FOXL3: variants seen among roughly 807,000 people sequenced by gnomAD.
FOXL3 encodes forkhead box L3.
In FOXL3, 16 loss-of-function variants were observed where a neutral mutation model predicts 10.9. The observed-to-expected ratio is 1.46, with a 90% confidence interval of 0.99 to 2.22. FOXL3 has a LOEUF of 2.22. FOXL3 is among the 30% of genes most tolerant of loss of function. The pLI is 0.00. For synonymous variants in FOXL3, 170 were observed against 152.0 expected (o/e 1.12, Z -0.87); for missense variants, 400 against 337.9 (o/e 1.18, Z -1.44).
chr7:290,505 G>T (rs923361065), intron 1 of FOXL3, 148 bp from the exon 2 acceptor site: 9 of 875,116 alleles, frequency 1.0e-5, no homozygotes, highest in Non-Finnish European at 1.5e-5. Flanking sequence ...TCTGGGGTCT[G>T]GGTGGCGCCG....
rs539785378 is a variant in FOXL3 at position 291,261 on chromosome 7, G to T, written c.475G>T (p.Ala159Ser). Residue 159 changes from alanine to serine, a missense_variant, in exon 3 of 3, where the codon GCT becomes TCT. Transcript: ENST00000506382. ...GPSGPSEPPAAQGRLAPDSAG... is the reference protein window; with the variant it reads ...GPSGPSEPPASQGRLAPDSAG... ...GTCGGGTCCGTCCGAGCCGCCCGCC[G>T]CTCAGGGGCGCCTGGCCCCGGACAG... 83 of 1,188,336 alleles carry T rather than the reference G, an allele frequency of 7.0e-5. No homozygotes were observed. In the South Asian group the frequency reaches 1.2e-3, roughly 17 times the overall value. The allele number at this position is 1,188,336 out of a possible 1,614,324, so 73.6% of individuals were successfully genotyped here.
At chr7:290,385 C>A in intron 1 of FOXL3, 109 bp downstream of exon 1, 1 of 952,492 alleles carries the variant, frequency 1.0e-6, no homozygotes, top group Non-Finnish European at 1.6e-6. Flanking sequence ...GAGCTTTCTT[C>A]TCTCCGGCGG....
Position 290,202 on chromosome 7 carries a change from C to A in FOXL3, c.33C>A (p.Cys11Ter). MFDSSQYPYNCFNYDADDYPA... is the reference protein window; with the variant it reads MFDSSQYPYN ...ACAGCTCGCAGTATCCCTACAACTG[C>A]TTCAATTACGACGCCGACGACTACC... Residue 11 changes from cysteine (C) to a stop codon, truncating the protein, a stop_gained, in exon 1 of 3, where the codon TGC becomes TGA. Coordinates refer to ENST00000506382, the MANE Select transcript of FOXL3 (RefSeq NM_001374838.1). LOFTEE classifies it high-confidence loss of function. 6.5e-7 allele frequency: 1 copy of A among 1,535,966 alleles called. No homozygotes were observed. Among genetic ancestry groups the A allele is most frequent in the Non-Finnish European group, 8.7e-7 (1 of 1,146,782 alleles).
Position 290,735 on chromosome 7 carries a change from C to T in FOXL3, c.190C>T (p.Arg64Cys). The change falls in exon 2 of 3, where the codon CGC (arginine) becomes TGC (cysteine). Residue 64 changes from arginine to cysteine, a missense_variant. By Grantham distance (180) the Arg-to-Cys change is radical (BLOSUM62 -3). Transcript: ENST00000506382. Reference sequence around the variant, plus strand: ...GTCCGGCATCTACGACTTCATCATGCGCAAATTCCCCTATTACCGCGCCAA... The same window carrying T: ...GTCCGGCATCTACGACTTCATCATGTGCAAATTCCCCTATTACCGCGCCAA... Reference protein sequence around the residue: ...TLSGIYDFIMRKFPYYRANQR... With the variant: ...TLSGIYDFIMCKFPYYRANQR... The T allele has an allele frequency of 1.3e-6, 2 of 1,492,066 alleles. No homozygotes were observed. Among genetic ancestry groups the T allele is most frequent in the African/African-American group, 1.4e-5 (1 of 70,452 alleles). 92.4% of individuals were successfully genotyped at this position (1,492,066 alleles called of 1,614,324 possible).
chr7:290,473 C>A (rs1379027350), intron 1 of FOXL3, among the ~76,000 whole-genome samples, 180 bp from the exon 2 acceptor site: 1 of 150,744 alleles, frequency 6.6e-6, no homozygotes, highest in Non-Finnish European at 1.5e-5. Context: ...GGGGAGGGGC[C>A]TCCGCAGGTC....
intron 2 of FOXL3, 33 bp from the exon 3 acceptor site, chr7:291,030 A>G: frequency 2.2e-6 from 3 of 1,354,256 alleles, no homozygotes; most frequent in South Asian, 3.4e-5. Context: ...CGTGCAGCGG[A>G]GCCGCTCCCA....
Position 291,233 on chromosome 7 carries a change from G to A in FOXL3, c.447G>A (p.Gly149=), listed in dbSNP as rs1778641635. The change falls in exon 3 of 3, where the codon GGG becomes GGA. Residue 149 remains glycine (G), a synonymous_variant. Coordinates refer to ENST00000506382, the MANE Select transcript of FOXL3 (RefSeq NM_001374838.1). ...GTCCGCGCGCGGGGGGCGCCCAGGG[G>A]CCGTCGGGTCCGTCCGAGCCGCCCG... ...PRGPRAGGAQ[G]PSGPSEPPAA... is the part of the protein sequence containing the mutation. 3 of 1,162,914 alleles carry A rather than the reference G, an allele frequency of 2.6e-6. No individual in the cohort carries two copies. Among genetic ancestry groups the A allele is most frequent in the South Asian group, 8.4e-5 (2 of 23,824 alleles). 72.0% of individuals were successfully genotyped at this position (1,162,914 alleles called of 1,614,324 possible).
In FOXL3 at chr7:290,229, C is replaced by T; in HGVS notation, c.60C>T (p.Pro20=). The T allele has an allele frequency of 5.2e-6, 8 of 1,535,982 alleles. No homozygotes were observed. The highest frequency in any genetic ancestry group is 7.0e-6 in the Non-Finnish European group (8 of 1,146,794). ...NCFNYDADDY[P]AGSSDEDKRL... ...TCAATTACGACGCCGACGACTACCC[C>T]GCCGGCAGCTCCGACGAAGACAAGA... The change falls in exon 1 of 3, where the codon CCC becomes CCT. Residue 20 remains proline, a synonymous_variant. Transcript: ENST00000506382.
chr7:291,135 C>T lies in FOXL3; in HGVS notation c.349C>T (p.Leu117=), dbSNP rs1222585474. Residue 117 remains leucine (L), a synonymous_variant, in exon 3 of 3, where the codon CTG becomes TTG. Transcript: ENST00000506382. ...GTTCGCGGGCGGCTGCGAGTCGCTG[C>T]TGGACCTCTTCGAGAACGGCAACTA... ...WTFAGGCESL[L]DLFENGNYRR... 8 of 1,362,250 alleles carry T rather than the reference C, an allele frequency of 5.9e-6. No homozygotes were observed. The East Asian group carries it at 2.3e-4, about 39-fold the overall frequency. 84.4% of individuals were successfully genotyped at this position (1,362,250 alleles called of 1,614,324 possible). A position where few individuals can be genotyped will look rare whatever the true frequency, so the allele number is the denominator to read the frequency against.
At position 290,661 on chromosome 7, in the gene FOXL3, C is replaced by A. The variant is rs1327003688; in HGVS notation, c.116C>A (p.Ala39Asp). 2 of 1,420,656 alleles carry A rather than the reference C, an allele frequency of 1.4e-6. No individual in the cohort carries two copies. Among genetic ancestry groups the A allele is most frequent in the Non-Finnish European group, 9.2e-7 (1 of 1,091,530 alleles). The allele number at this position is 1,420,656 out of a possible 1,614,324, so 88.0% of individuals were successfully genotyped here. A position where few individuals can be genotyped will look rare whatever the true frequency, so the allele number is the denominator to read the frequency against. ...RLTRPAYSYIALIAMAIQQSP... is the reference protein window; with the variant it reads ...RLTRPAYSYIDLIAMAIQQSP... ...ACCCCCGGGCTCCGCAGCTACATCG[C>A]CTTGATCGCCATGGCCATTCAGCAG... Residue 39 changes from alanine to aspartate, a missense_variant, in exon 2 of 3, where the codon GCC becomes GAC. Coordinates refer to ENST00000506382, the MANE Select transcript of FOXL3 (RefSeq NM_001374838.1).
At chr7:290,857 G>A in intron 2 of FOXL3, 36 bp downstream of exon 2, 3 of 1,351,706 alleles carry the variant, frequency 2.2e-6, no homozygotes, top group Non-Finnish European at 2.8e-6. Context: ...GGGTGTCCCA[G>A]CGTGGCGACA....
chr7:290,609 G>A, intron 1 of FOXL3, 44 bp from the exon 2 acceptor site: 2 of 1,416,430 alleles, frequency 1.4e-6, no homozygotes, highest in Non-Finnish European at 1.8e-6. Flanking sequence ...GGAAGGACGG[G>A]GGGCTGCCCG....
chr7:290,969 A>G (rs1040420574), intron 2 of FOXL3, 94 bp from the exon 3 acceptor site: 1 of 1,275,596 alleles, frequency 7.8e-7, no homozygotes, highest in Non-Finnish European at 9.9e-7. Flanking sequence ...GCAGTGCGCC[A>G]CCCTCGCCCC....
At chr7:290,524 G>A in intron 1 of FOXL3, 129 bp from the exon 2 acceptor site, 1 of 1,008,220 alleles carries the variant, frequency 9.9e-7, no homozygotes. Flanking sequence ...CGGGGACCGC[G>A]AGCTGCGGGG....
chr7:291,355 G>C lies in FOXL3; in HGVS notation c.569G>C (p.Arg190Pro). The change falls in exon 3 of 3, where the codon CGG becomes CCG. Residue 190 changes from arginine to proline, a missense_variant. Transcript: ENST00000506382. ...SPAPPGKEHP[R>P]DLKFSIDYIL... Reference sequence around the variant, plus strand: ...GCTCCCCCGGGGAAGGAGCACCCCCGGGACCTCAAGTTCAGCATCGACTAC... The same window carrying C: ...GCTCCCCCGGGGAAGGAGCACCCCCCGGACCTCAAGTTCAGCATCGACTAC... 7.6e-7 allele frequency: 1 copy of C among 1,310,670 alleles called. No individual in the cohort carries two copies. Among genetic ancestry groups the C allele is most frequent in the Non-Finnish European group, 9.7e-7 (1 of 1,028,930 alleles). The allele number at this position is 1,310,670 out of a possible 1,614,324, so 81.2% of individuals were successfully genotyped here. A position where few individuals can be genotyped will look rare whatever the true frequency, so the allele number is the denominator to read the frequency against.
chr7:290,183 C>T lies in FOXL3; in HGVS notation c.14C>T (p.Ser5Leu), dbSNP rs1778608771. 6 of 1,535,398 alleles carry T rather than the reference C, an allele frequency of 3.9e-6. No individual in the cohort carries two copies. Among genetic ancestry groups the T allele is most frequent in the Non-Finnish European group, 4.4e-6 (5 of 1,146,246 alleles). Residue 5 changes from serine (S) to leucine (L), a missense_variant, in exon 1 of 3, where the codon TCG (serine) becomes TTG (leucine). Ser to Leu is a moderately radical substitution (Grantham distance 145). Coordinates refer to ENST00000506382, the MANE Select transcript of FOXL3 (RefSeq NM_001374838.1). MFDS[S>L]QYPYNCFNYD... ...GAGCGCGCCAGGATGTTTGACAGCT[C>T]GCAGTATCCCTACAACTGCTTCAAT...
At chr7:290,514 C>T in intron 1 of FOXL3, 139 bp from the exon 2 acceptor site, 3 of 952,162 alleles carry the variant, frequency 3.2e-6, no homozygotes, top group Non-Finnish European at 4.5e-6. Flanking sequence ...TGGGTGGCGC[C>T]GGGGACCGCG....
rs895671277 is a variant in FOXL3, at chr7:290,357, G to A, written c.107+81G>A. On this transcript the variant is annotated intron_variant, in intron 1 of 2. Transcript: ENST00000506382. ...TCCCAGGTAGCCGGGACCTGCCTGG[G>A]ACGAAGGAAGGGCGGGGGAGCTTTC... 25 of 1,104,170 alleles carry A rather than the reference G, an allele frequency of 2.3e-5. No individual in the cohort carries two copies. In the African/African-American group the frequency reaches 2.8e-4, roughly 12 times the overall value. 68.4% of individuals were successfully genotyped at this position (1,104,170 alleles called of 1,614,324 possible).
At chr7:291,023 G>A (rs1237660642) in intron 2 of FOXL3, 40 bp from the exon 3 acceptor site, 1 of 1,349,954 alleles carries the variant, frequency 7.4e-7, no homozygotes, top group Non-Finnish European at 9.5e-7. Flanking sequence ...GGCGCACCGT[G>A]CAGCGGAGCC....
Sources: gnomAD v4.1 joint callset for allele counts (sites outside exome capture counted in the v4.1 genomes callset) on GRCh38, gnomAD v4.1.1 for gene constraint, MANE v1.5 for transcripts, NCBI Gene and HGNC (gene_info 2026-07-23, HGNC 2026-07-21) for gene names.